TSHZ3: variants seen among roughly 807,000 people sequenced by gnomAD.
TSHZ3 encodes the protein teashirt homolog 3.
In TSHZ3, 10 loss-of-function variants were observed where a neutral mutation model predicts 64.5. The observed-to-expected ratio is 0.16, with a 90% CI of 0.10 to 0.26. The LOEUF is 0.26. TSHZ3 is among the 10% of genes least tolerant of loss of function. The probability of loss-of-function intolerance (pLI) is 1.00; values close to 1 mark genes in which losing one functional copy is unlikely to be tolerated. For synonymous variants in TSHZ3, 608 were observed against 593.1 expected (o/e 1.03, Z -0.36); for missense variants, 1,242 against 1,421.7 (o/e 0.87, Z 2.03).
At chr19:31,222,828 T>C (rs1164404440) in intron 4 of TSHZ3, among the ~76,000 whole-genome samples, 2 of 152,216 alleles carry the variant, frequency 1.3e-5, no homozygotes, top group African/African-American at 2.4e-5. Flanking sequence ...CATATAAACA[T>C]GACAGAGAGT....
intron 1 of TSHZ3, among the ~76,000 whole-genome samples, chr19:31,289,755 A>G (rs916696561): frequency 6.6e-6 from 1 of 152,000 alleles, no homozygotes; most frequent in African/African-American, 2.4e-5. Flanking sequence ...CCTAGCCCCC[A>G]AGCTGGGCCG....
Position 31,278,773 on chromosome 19 carries a change from G to T in TSHZ3, c.1020C>A (p.Thr340=), listed in dbSNP as rs1976303082. The stretch of plus-strand genomic sequence containing the variant: ...TGGTGTCTGAGATGGTGGCTTTGGG[G>T]GTTCCACCTGTGGAATCTGGGGAGC... ...LPSSPDSTGG[T]PKATISDTND... is the part of the protein sequence containing the mutation. Residue 340 remains threonine, a synonymous_variant, in exon 2 of 2, where the codon ACC becomes ACA. Coordinates refer to ENST00000240587, the MANE Select transcript of TSHZ3 (RefSeq NM_020856.4). This position sits in a 1 kb window ranked among gnomAD's most constrained non-coding sequence, Gnocchi z 4.7. 6.2e-7 allele frequency: 1 copy of T among 1,614,186 alleles called. No homozygotes were observed. Among genetic ancestry groups the T allele is most frequent in the South Asian group, 1.1e-5 (1 of 91,076 alleles).
At chr19:31,223,063 G>T (rs1050760769) in intron 4 of TSHZ3, among the ~76,000 whole-genome samples, 11 of 152,154 alleles carry the variant, frequency 7.2e-5, no homozygotes, top group African/African-American at 2.7e-4. Flanking sequence ...GATTTCTGTT[G>T]AGAGGGCATT....
At chr19:31,171,431 A>G (rs1974532893) in intron 5 of TSHZ3, among the ~76,000 whole-genome samples, 1 of 152,112 alleles carries the variant, frequency 6.6e-6, no homozygotes. Flanking sequence ...AGCAGGGAAG[A>G]AATGTAACTA....
rs543824980 is a variant in TSHZ3, at chr19:31,199,369, A to G, written n.809+5587T>C. ...CAGTGAGCCAAGATTGCACCACTGCACTCCAGCCTGATGACAGAGCGAGAC... is the reference window on the plus strand; with the variant it reads ...CAGTGAGCCAAGATTGCACCACTGCGCTCCAGCCTGATGACAGAGCGAGAC... On this transcript the variant is annotated intron_variant and non_coding_transcript_variant, in intron 5 of 6. Transcript: ENST00000651361. Among the ~76,000 whole-genome samples the G allele has an allele frequency of 2.4e-3, 345 of 142,658 alleles. 2 individuals are homozygous for G. The South Asian group carries it at 0.029, about 12-fold the overall frequency. The allele number at this position is 142,658 out of a possible 152,430, so 93.6% of individuals were successfully genotyped here.
chr19:31,309,474 T>C (rs187532990), intron 1 of TSHZ3, among the ~76,000 whole-genome samples: 38 of 152,230 alleles, frequency 2.5e-4, no homozygotes, highest in African/African-American at 8.7e-4. Flanking sequence ...GACATCAGCA[T>C]TGAGGCTCTC....
At chr19:31,339,276 A>T (rs551499895) in intron 1 of TSHZ3, among the ~76,000 whole-genome samples, 2 of 152,180 alleles carry the variant, frequency 1.3e-5, no homozygotes, top group Admixed American at 6.5e-5. Context: ...GGGGAAAAAA[A>T]GTCAGAAGAG....
rs1975919228 is a variant in TSHZ3, at chr19:31,257,010, C to A, written n.64-14135G>T. 2.6e-5 allele frequency among the ~76,000 whole-genome samples: 4 copies of A among 152,204 alleles called. No individual in the cohort carries two copies. The South Asian group carries it at 8.3e-4, about 32-fold the overall frequency. On this transcript the variant is annotated intron_variant and non_coding_transcript_variant, in intron 1 of 6. Coordinates refer to the TSHZ3 transcript ENST00000651361. ...TTCCCTGTCCCTCTCTATCCCACAG[C>A]AGTCCTATTGGTCAGTCCTGTTGAC... is the stretch of plus-strand genomic sequence containing the variant.
intron 4 of TSHZ3, among the ~76,000 whole-genome samples, chr19:31,222,308 T>G (rs906034729): frequency 6.6e-6 from 1 of 152,206 alleles, no homozygotes; most frequent in Admixed American, 6.5e-5. Context: ...CCAGTATATA[T>G]TGGAGTCCAC....
rs528105145 is a variant in TSHZ3 at position 31,314,139 on chromosome 19, C to A, written c.41-34387G>T. 1.2e-4 allele frequency among the ~76,000 whole-genome samples: 19 copies of A among 152,282 alleles called. 1 individual carries two copies. The East Asian group carries it at 2.7e-3, about 22-fold the overall frequency. ...TGACATGATGACACAGGGTTGCCTC[C>A]CTTGTCCCCTAGACAACCAGAAAGG... On this transcript the variant is annotated intron_variant, in intron 1 of 1. Coordinates refer to ENST00000240587, the MANE Select transcript of TSHZ3 (RefSeq NM_020856.4).
chr19:31,285,354 C>T (rs953561947), intron 1 of TSHZ3, among the ~76,000 whole-genome samples: 1 of 151,982 alleles, frequency 6.6e-6, no homozygotes, highest in African/African-American at 2.4e-5. Flanking sequence ...GTGGCCTGTG[C>T]CTGTAGTCCC....
downstream of TSHZ3, among the ~76,000 whole-genome samples, chr19:31,272,230 G>A (rs1442603545): frequency 6.6e-6 from 1 of 152,162 alleles, no homozygotes; most frequent in Non-Finnish European, 1.5e-5. Context: ...GAGCTGGACG[G>A]CTTAGAGGGC....
chr19:31,350,180 C>G (rs1450690982), upstream of TSHZ3, among the ~76,000 whole-genome samples: 1 of 150,366 alleles, frequency 6.7e-6, no homozygotes, highest in Non-Finnish European at 1.5e-5. Context: ...CCGGGGAAGC[C>G]AGAGCCCACG....
intron 5 of TSHZ3, among the ~76,000 whole-genome samples, chr19:31,188,868 T>G (rs995965104): frequency 6.6e-6 from 1 of 151,964 alleles, no homozygotes. Flanking sequence ...AAAATTCGTA[T>G]TTTTTGAAAT....
intron 5 of TSHZ3, among the ~76,000 whole-genome samples, chr19:31,162,601 CT>C (rs1023287246): frequency 1.3e-5 from 2 of 152,094 alleles, no homozygotes; most frequent in Non-Finnish European, 2.9e-5. Context: ...CATGAAATTT[CT>C]TTACCACCAA....
chr19:31,349,041 C>A (rs1339063595), intron 1 of TSHZ3, 139 bp downstream of exon 1: 6 of 1,139,966 alleles, frequency 5.3e-6, no homozygotes, highest in African/African-American at 1.6e-5. Context: ...GCGCACGCAC[C>A]CAAACAGGAG....
chr19:31,151,808 T>A (rs916454774), intron 6 of TSHZ3, among the ~76,000 whole-genome samples: 6 of 152,146 alleles, frequency 3.9e-5, no homozygotes, highest in Non-Finnish European at 7.4e-5. Context: ...GAGACTGGCG[T>A]TATCAATGGC....
At chr19:31,217,565 C>A (rs1975350508) in intron 4 of TSHZ3, among the ~76,000 whole-genome samples, 1 of 152,154 alleles carries the variant, frequency 6.6e-6, no homozygotes, top group African/African-American at 2.4e-5. Context: ...GTGCCCCCTG[C>A]ATTTGACATG....
At chr19:31,282,318 C>T (rs1976376557) in intron 1 of TSHZ3, among the ~76,000 whole-genome samples, 1 of 152,126 alleles carries the variant, frequency 6.6e-6, no homozygotes, top group Admixed American at 6.5e-5. Context: ...ATACAAACCC[C>T]ACACCCTGGG....
Sources: allele counts gnomAD v4.1 joint callset (sites outside exome capture counted in the v4.1 genomes callset), GRCh38; gene constraint gnomAD v4.1.1; non-coding constraint Gnocchi (gnomAD v3.1); transcripts MANE v1.5; gene names NCBI Gene and HGNC (gene_info 2026-07-23, HGNC 2026-07-21).